WDR44: variants seen among roughly 807,000 people sequenced by gnomAD.
WDR44 encodes the protein WD repeat-containing protein 44.
In WDR44, 9 loss-of-function variants were observed where a neutral mutation model predicts 65.7. The ratio of observed to expected loss-of-function variants is 0.14; its 90% confidence interval spans 0.08 to 0.24. The LOEUF (loss-of-function observed/expected upper bound fraction) is 0.24, where lower values mean the gene tolerates loss of function less well. Ranked by LOEUF, WDR44 falls within the 10% of genes least tolerant of loss-of-function variation. WDR44 has a pLI of 1.00. For missense variants in WDR44, 425 were observed against 670.9 expected (o/e 0.63, Z 4.05); for synonymous variants, 220 against 235.2 (o/e 0.94, Z 0.59).
chrX:118,347,501 C>A (rs2056363114), intron 1 of WDR44, among the ~76,000 whole-genome samples: 1 of 112,080 alleles, frequency 8.9e-6, no homozygotes, highest in Admixed American at 9.5e-5. Flanking sequence ...AACTCCCCTA[C>A]GAATGTACGT....
intron 7 of WDR44, among the ~76,000 whole-genome samples, chrX:118,397,809 A>G (rs1177064156): frequency 1.8e-5 from 2 of 112,236 alleles, no homozygotes; most frequent in Admixed American, 1.9e-4. Context: ...TTGCCAAGCA[A>G]AAAGGTTTGT....
At chrX:118,387,530 C>A in intron 3 of WDR44, 116 bp downstream of exon 3, 1 of 382,047 alleles carries the variant, frequency 2.6e-6, no homozygotes, top group Non-Finnish European at 4.2e-6. Flanking sequence ...TGATGTTCAG[C>A]AAATGTTTCA....
chrX:118,375,656 T>A (rs752865386), intron 1 of WDR44, among the ~76,000 whole-genome samples: 1 of 111,940 alleles, frequency 8.9e-6, no homozygotes, highest in African/African-American at 3.2e-5. Flanking sequence ...GCCTCAGTCC[T>A]AACTAATCAA....
chrX:118,382,865 G>C (rs2056732105), intron 2 of WDR44, among the ~76,000 whole-genome samples: 1 of 111,716 alleles, frequency 9.0e-6, no homozygotes, highest in Non-Finnish European at 1.9e-5. Context: ...GGGAAGCTGG[G>C]ATTTAGTAAG....
At chrX:118,349,461 A>G in intron 1 of WDR44, among the ~76,000 whole-genome samples, 1 of 107,945 alleles carries the variant, frequency 9.3e-6, no homozygotes, top group Non-Finnish European at 1.9e-5. Context: ...TGATCCTCCC[A>G]CCTCAGTCTC....
At chrX:118,422,294 G>T (rs916137454) in intron 12 of WDR44, among the ~76,000 whole-genome samples, 6 of 110,924 alleles carry the variant, frequency 5.4e-5, no homozygotes, top group African/African-American at 1.6e-4. Context: ...TACTTGAGAG[G>T]CTGAGGCATG....
Position 118,447,893 on chromosome X carries a change from T to G in WDR44, c.2648-1000T>G, listed in dbSNP as rs1569389487. On this transcript the variant is annotated intron_variant, in intron 19 of 19. Transcript: ENST00000254029. ...TATCTAAAATATATATATATATATA[T>G]ATATATATATATATATATATACTTG... 2.2e-4 allele frequency among the ~76,000 whole-genome samples: 21 copies of G among 95,821 alleles called. No individual in the cohort carries two copies. The South Asian group carries it at 8.1e-3, about 37-fold the overall frequency. 83.2% of individuals were successfully genotyped at this position (95,821 alleles called of 115,157 possible). A position where few individuals can be genotyped will look rare whatever the true frequency, so the allele number is the denominator to read the frequency against.
chrX:118,447,974 A>G (rs1018808441), intron 19 of WDR44, among the ~76,000 whole-genome samples: 16 of 100,771 alleles, frequency 1.6e-4, no homozygotes, highest in Non-Finnish European at 3.2e-4. Context: ...TATTGTTATC[A>G]TTTTCATTAT....
At chrX:118,353,567 T>C (rs950518732) in intron 1 of WDR44, among the ~76,000 whole-genome samples, 1 of 112,054 alleles carries the variant, frequency 8.9e-6, no homozygotes, top group African/African-American at 3.2e-5. Flanking sequence ...CCAAACCTTT[T>C]TAAACATTTT....
chrX:118,377,800 T>C (rs1357167925), intron 1 of WDR44, among the ~76,000 whole-genome samples: 1 of 102,415 alleles, frequency 9.8e-6, no homozygotes, highest in Non-Finnish European at 2.0e-5. Flanking sequence ...CAATCATGGC[T>C]CACTGCATCC....
intron 14 of WDR44, among the ~76,000 whole-genome samples, chrX:118,438,920 G>A (rs906765069): frequency 9.6e-6 from 1 of 104,210 alleles, no homozygotes; most frequent in African/African-American, 3.5e-5. Flanking sequence ...CAAGTAGTTG[G>A]GATTACAGAC....
intron 12 of WDR44, among the ~76,000 whole-genome samples, chrX:118,414,296 T>G (rs1188530590): frequency 1.9e-5 from 2 of 105,406 alleles, no homozygotes; most frequent in Non-Finnish European, 3.9e-5. Flanking sequence ...GGTTTTGTGT[T>G]TTTTTTTTTC....
chrX:118,368,158 T>G (rs2056570530), intron 1 of WDR44, among the ~76,000 whole-genome samples: 1 of 111,100 alleles, frequency 9.0e-6, no homozygotes, highest in East Asian at 2.8e-4. Flanking sequence ...ATACTTGTGC[T>G]TTTTGCTTCA....
At chrX:118,367,043 G>A (rs1032973627) in intron 1 of WDR44, among the ~76,000 whole-genome samples, 6 of 108,057 alleles carry the variant, frequency 5.6e-5, no homozygotes, top group African/African-American at 2.0e-4. Context: ...CCGAGATCAC[G>A]CCACTGCACC....
intron 10 of WDR44, among the ~76,000 whole-genome samples, chrX:118,408,678 C>T (rs781158596): frequency 1.2e-4 from 12 of 103,553 alleles, no homozygotes; most frequent in South Asian, 4.0e-4. Flanking sequence ...GGATTACAGG[C>T]GCGTGCCACC....
At chrX:118,406,009 C>T (rs1048527705) in intron 9 of WDR44, among the ~76,000 whole-genome samples, 2 of 110,208 alleles carry the variant, frequency 1.8e-5, no homozygotes, top group African/African-American at 3.3e-5. Context: ...TGTGTAGTGA[C>T]GTGTGCCTAT....
chrX:118,427,629 A>G (rs1370873200), intron 12 of WDR44, among the ~76,000 whole-genome samples: 1 of 108,740 alleles, frequency 9.2e-6, no homozygotes, highest in Admixed American at 9.9e-5. Flanking sequence ...AAACTGCTCT[A>G]GCCGTCTCAG....
At chrX:118,440,607 C>T (rs764835009) in intron 14 of WDR44, among the ~76,000 whole-genome samples, 2 of 110,803 alleles carry the variant, frequency 1.8e-5, no homozygotes, top group Non-Finnish European at 3.8e-5. Flanking sequence ...TAGCACCTCC[C>T]GTAAACACGC....
intron 19 of WDR44, among the ~76,000 whole-genome samples, chrX:118,446,330 C>T (rs1303814309): frequency 9.1e-6 from 1 of 110,393 alleles, no homozygotes; most frequent in Non-Finnish European, 1.9e-5. Context: ...CCTGTAATCC[C>T]GGGTATTTGG....
Sources: gnomAD v4.1 joint callset for allele counts (sites outside exome capture counted in the v4.1 genomes callset) on GRCh38, gnomAD v4.1.1 for gene constraint, MANE v1.5 for transcripts, NCBI Gene and HGNC (gene_info 2026-07-23, HGNC 2026-07-21) for gene names.